TMEM108: variants seen among roughly 807,000 people sequenced by gnomAD.
TMEM108 encodes the protein cancer/testis antigen 124.
In TMEM108, 12 loss-of-function variants were observed where a neutral mutation model predicts 35.1. The ratio of observed to expected loss-of-function variants is 0.34; its 90% CI spans 0.22 to 0.55. The LOEUF is 0.55. TMEM108 is among the 20% of genes least tolerant of loss of function. The pLI, the probability that TMEM108 is intolerant of heterozygous loss-of-function variation, is 0.89. For missense variants in TMEM108, 680 were observed against 753.3 expected (o/e 0.90, Z 1.14); for synonymous variants, 287 against 308.6 (o/e 0.93, Z 0.73).
At chr3:133,333,384 C>A (rs2071423373) in intron 3 of TMEM108, among the ~76,000 whole-genome samples, 1 of 151,216 alleles carries the variant, frequency 6.6e-6, no homozygotes, top group Non-Finnish European at 1.5e-5. Context: ...AAAAAAAAAT[C>A]AAATAAACTT....
intron 3 of TMEM108, among the ~76,000 whole-genome samples, chr3:133,232,080 G>T (rs1303592050): frequency 6.6e-6 from 1 of 152,184 alleles, no homozygotes; most frequent in Non-Finnish European, 1.5e-5. Flanking sequence ...AGCTAAGATA[G>T]GGAGAGTTCT....
chr3:133,306,691 A>G (rs1576445614), intron 3 of TMEM108, among the ~76,000 whole-genome samples: 3 of 152,294 alleles, frequency 2.0e-5, no homozygotes, highest in Admixed American at 6.5e-5. Flanking sequence ...TGCAAAGGAC[A>G]TGAACTCATC....
At chr3:133,344,712 A>G (rs893437457) in intron 3 of TMEM108, among the ~76,000 whole-genome samples, 34 of 151,830 alleles carry the variant, frequency 2.2e-4, no homozygotes, top group African/African-American at 7.5e-4. Context: ...GTAAGGGAAA[A>G]TGTGAATTTA....
chr3:133,183,752 G>A (rs1945381272), intron 2 of TMEM108, among the ~76,000 whole-genome samples: 1 of 152,140 alleles, frequency 6.6e-6, no homozygotes, highest in African/African-American at 2.4e-5. Flanking sequence ...TTCAAGCCCA[G>A]GTGAAGCAGC....
chr3:133,137,090 G>T (rs1311406204), intron 2 of TMEM108, among the ~76,000 whole-genome samples: 1 of 152,122 alleles, frequency 6.6e-6, no homozygotes, highest in Non-Finnish European at 1.5e-5. Flanking sequence ...GCATAGAGAC[G>T]GTGTTTATCA....
chr3:133,229,365 G>A lies in TMEM108; in HGVS notation c.40+14G>A. ...GCCAACTGTTAAGTAAGTTGACACT[G>A]TATTTCTTCTTTCCTAAAATATACT... On this transcript the variant is annotated intron_variant, in intron 3 of 5. Coordinates refer to ENST00000321871, the MANE Select transcript of TMEM108 (RefSeq NM_023943.4). 1.2e-6 allele frequency: 2 copies of A among 1,611,310 alleles called. No homozygotes were observed. Among genetic ancestry groups the A allele is most frequent in the Non-Finnish European group, 1.7e-6 (2 of 1,178,396 alleles).
intron 2 of TMEM108, among the ~76,000 whole-genome samples, chr3:133,169,982 A>G (rs548881304): frequency 6.6e-6 from 1 of 152,194 alleles, no homozygotes; most frequent in Admixed American, 6.5e-5. Context: ...GTTCATTAAC[A>G]ATGCATTCAT....
At chr3:133,374,008 G>A (rs1005158582) in intron 3 of TMEM108, among the ~76,000 whole-genome samples, 3 of 152,136 alleles carry the variant, frequency 2.0e-5, no homozygotes, top group Admixed American at 6.5e-5. Flanking sequence ...CTCCTCAGGC[G>A]TTCCTGTTAC....
chr3:133,290,207 G>T (rs113395230), intron 3 of TMEM108, among the ~76,000 whole-genome samples: 23 of 152,276 alleles, frequency 1.5e-4, no homozygotes, highest in African/African-American at 5.5e-4. Context: ...ACCAGGGAAG[G>T]CGTCCCTAAG....
At chr3:133,236,892 A>G (rs958011968) in intron 3 of TMEM108, among the ~76,000 whole-genome samples, 5 of 151,686 alleles carry the variant, frequency 3.3e-5, no homozygotes, top group African/African-American at 9.7e-5. Flanking sequence ...TGTGATCTGA[A>G]GTTCTCATGT....
intron 3 of TMEM108, among the ~76,000 whole-genome samples, chr3:133,234,826 C>T (rs1028583927): frequency 9.2e-5 from 14 of 152,154 alleles, no homozygotes; most frequent in East Asian, 3.9e-4. Context: ...TGTTTGCAGA[C>T]GACATGATTG....
intron 2 of TMEM108, among the ~76,000 whole-genome samples, chr3:133,208,787 G>A (rs1435410514): frequency 6.6e-6 from 1 of 152,080 alleles, no homozygotes; most frequent in Non-Finnish European, 1.5e-5. Context: ...TCAAACTCCT[G>A]CCTCACTGTC....
intron 3 of TMEM108, among the ~76,000 whole-genome samples, chr3:133,320,084 A>ATAGACTCCATCTCCACATT (rs1444870133): frequency 6.6e-6 from 1 of 152,186 alleles, no homozygotes; most frequent in Non-Finnish European, 1.5e-5. Flanking sequence ...CCTGGGCAAC[A>ATAGACTCCATCTCCACATT]TAGACTCCAT....
chr3:133,378,286 G>A, intron 3 of TMEM108: 1 of 945,364 alleles, frequency 1.1e-6, no homozygotes, highest in South Asian at 4.9e-5. Context: ...GGTGATCCTG[G>A]GCCTTGTGTC....
intron 3 of TMEM108, among the ~76,000 whole-genome samples, chr3:133,312,810 C>A (rs943650428): frequency 6.6e-6 from 1 of 152,190 alleles, no homozygotes; most frequent in Non-Finnish European, 1.5e-5. Context: ...TCTTCTGCAT[C>A]GATCACGCTG....
intron 3 of TMEM108, among the ~76,000 whole-genome samples, chr3:133,339,262 A>T (rs896450274): frequency 6.6e-6 from 1 of 151,918 alleles, no homozygotes; most frequent in Non-Finnish European, 1.5e-5. Flanking sequence ...AAATAAAGGG[A>T]TGGAAAAAGA....
intron 2 of TMEM108, among the ~76,000 whole-genome samples, chr3:133,215,173 AT>A (rs1444038514): frequency 6.6e-6 from 1 of 152,130 alleles, no homozygotes; most frequent in Non-Finnish European, 1.5e-5. Context: ...TTTAGTATGT[AT>A]TGTTGATTCA....
chr3:133,294,838 T>A (rs1490166130), intron 3 of TMEM108, among the ~76,000 whole-genome samples: 1 of 152,188 alleles, frequency 6.6e-6, no homozygotes, highest in Non-Finnish European at 1.5e-5. Flanking sequence ...ATGTCCTATT[T>A]CCTGAAGAAT....
At chr3:133,372,404 C>G (rs766721235) in intron 3 of TMEM108, among the ~76,000 whole-genome samples, 4 of 152,146 alleles carry the variant, frequency 2.6e-5, no homozygotes, top group Admixed American at 1.3e-4. Flanking sequence ...ATTTGTCATT[C>G]TTCCCTGTTT....
Sources: allele counts gnomAD v4.1 joint callset (sites outside exome capture counted in the v4.1 genomes callset), GRCh38; gene constraint gnomAD v4.1.1; transcripts MANE v1.5; gene names NCBI Gene and HGNC (gene_info 2026-07-23, HGNC 2026-07-21).